The following NKAIN3 variants were observed in gnomAD, a reference collection of about 807,000 sequenced individuals.
NKAIN3 encodes sodium/potassium transporting ATPase interacting 3.
A neutral mutation model predicts 30.2 loss-of-function variants in NKAIN3; 25 were observed. That is an observed-to-expected ratio of 0.83 (90% CI 0.60 to 1.16). The LOEUF (loss-of-function observed/expected upper bound fraction) is 1.16, where lower values mean the gene tolerates loss of function less well. Among genes scored for constraint, NKAIN3 ranks in the 50% most tolerant of loss-of-function variants. The probability of loss-of-function intolerance (pLI) is 0.00; values close to 1 mark genes in which losing one functional copy is unlikely to be tolerated. For missense variants in NKAIN3, 225 were observed against 254.1 expected (o/e 0.89, Z 0.78); for synonymous variants, 91 against 89.6 (o/e 1.02, Z -0.09).
intron 4 of NKAIN3, among the ~76,000 whole-genome samples, chr8:62,885,957 G>A (rs565332769): frequency 6.0e-4 from 91 of 152,090 alleles, no homozygotes; most frequent in African/African-American, 2.1e-3. Flanking sequence ...TCTTTTAATT[G>A]GTATACTTAG....
At chr8:62,443,590 C>G (rs67725665) in intron 1 of NKAIN3, among the ~76,000 whole-genome samples, 39,530 of 151,604 alleles carry the variant, frequency 0.26, 5,252 homozygotes, top group Middle Eastern at 0.39. Flanking sequence ...ACCATCTTGG[C>G]CAGGCTAGTC....
At position 62,693,934 on chromosome 8, in the gene NKAIN3, A is replaced by C. The variant is rs143356296; in HGVS notation, c.274-52998A>C. On this transcript the variant is annotated intron_variant, in intron 3 of 6. Coordinates refer to ENST00000623646, the MANE Select transcript of NKAIN3 (RefSeq NM_001304533.3). ...AACAAAAAAGAAAAAAGTTGCATTA[A>C]TCATAAAAGATTGAATTCATATTTT... is the stretch of plus-strand genomic sequence containing the variant. 7.0e-4 allele frequency among the ~76,000 whole-genome samples: 106 copies of C among 152,338 alleles called. 1 individual carries two copies. In the Middle Eastern group the frequency reaches 0.01, roughly 15 times the overall value.
chr8:62,278,491 T>G (rs921422941), intron 1 of NKAIN3, among the ~76,000 whole-genome samples: 4 of 152,052 alleles, frequency 2.6e-5, no homozygotes, highest in African/African-American at 9.7e-5. Context: ...AACTCGTCAT[T>G]TACATTAGGT....
At chr8:62,960,882 A>G (rs1259292106) in intron 6 of NKAIN3, among the ~76,000 whole-genome samples, 1 of 152,184 alleles carries the variant, frequency 6.6e-6, no homozygotes, top group Non-Finnish European at 1.5e-5. Context: ...ACGTCTGCAA[A>G]CAGAGAGAGA....
At chr8:62,963,900 A>C (rs1178435701) in intron 6 of NKAIN3, among the ~76,000 whole-genome samples, 1 of 152,186 alleles carries the variant, frequency 6.6e-6, no homozygotes, top group Non-Finnish European at 1.5e-5. Context: ...GGCAACCAAA[A>C]AGTAAAACTT....
Position 62,624,383 on chromosome 8 carries a change from A to AT in NKAIN3, c.273+34599dup, listed in dbSNP as rs948460095. ...GAAAATTTCAGAGTTCTAGGTTGGT[A>AT]TTTTTTTTTTCTCTCTCAACACTTT... On this transcript the variant is annotated intron_variant, in intron 3 of 6. Transcript: ENST00000623646. Among the ~76,000 whole-genome samples, 89 of 148,956 alleles carry AT rather than the reference A, an allele frequency of 6.0e-4. No individual in the cohort carries two copies. In the East Asian group the frequency reaches 0.012, roughly 21 times the overall value.
At chr8:62,392,894 TA>T (rs1230042349) in intron 1 of NKAIN3, among the ~76,000 whole-genome samples, 1 of 152,068 alleles carries the variant, frequency 6.6e-6, no homozygotes, top group Non-Finnish European at 1.5e-5. Flanking sequence ...AAATTAATTT[TA>T]TATTCAGCAT....
chr8:62,622,123 A>T (rs1811635095), intron 3 of NKAIN3, among the ~76,000 whole-genome samples: 1 of 152,006 alleles, frequency 6.6e-6, no homozygotes, highest in Admixed American at 6.6e-5. Flanking sequence ...GTATCAGTAG[A>T]TCACTCCTTT....
At chr8:62,710,656 A>G (rs1353633779) in intron 3 of NKAIN3, among the ~76,000 whole-genome samples, 2 of 152,094 alleles carry the variant, frequency 1.3e-5, no homozygotes, top group African/African-American at 4.8e-5. Flanking sequence ...ATGGTTGGTG[A>G]GTTCTTATCC....
intron 5 of NKAIN3, among the ~76,000 whole-genome samples, chr8:62,925,059 A>G (rs1213677647): frequency 6.6e-6 from 1 of 152,122 alleles, no homozygotes; most frequent in Admixed American, 6.5e-5. Flanking sequence ...TCAAATAACT[A>G]AAAACTCCTA....
chr8:62,359,921 C>T (rs193005394), intron 1 of NKAIN3, among the ~76,000 whole-genome samples: 1 of 152,292 alleles, frequency 6.6e-6, no homozygotes, highest in East Asian at 1.9e-4. Context: ...TTTCAAGGCT[C>T]TTATTACATA....
intron 1 of NKAIN3, among the ~76,000 whole-genome samples, chr8:62,426,861 A>G (rs902679274): frequency 2.6e-5 from 4 of 151,974 alleles, no homozygotes; most frequent in African/African-American, 9.7e-5. Context: ...GCGCCTGGCT[A>G]GCAGGAAGAA....
chr8:62,599,725 G>A (rs987726989), intron 3 of NKAIN3, among the ~76,000 whole-genome samples: 7 of 152,006 alleles, frequency 4.6e-5, no homozygotes, highest in African/African-American at 1.7e-4. Context: ...TAACTTCACA[G>A]CTGTAACAGT....
intron 3 of NKAIN3, among the ~76,000 whole-genome samples, chr8:62,704,424 G>T (rs1814450006): frequency 6.6e-6 from 1 of 152,164 alleles, no homozygotes. Context: ...TTCATCATTA[G>T]GGTGTCTGTT....
rs534030577 is a variant in NKAIN3, at chr8:62,405,895, T to C, written c.54+156768T>C. Among the ~76,000 whole-genome samples, 7 of 152,310 alleles carry C rather than the reference T, an allele frequency of 4.6e-5. No individual in the cohort carries two copies. The South Asian group carries it at 1.4e-3, about 32-fold the overall frequency. On this transcript the variant is annotated intron_variant, in intron 1 of 6. Coordinates refer to ENST00000623646, the MANE Select transcript of NKAIN3 (RefSeq NM_001304533.3). ...CATTTTAGAAGCTCACTGATTTCTC[T>C]TTTCTTTTAATTAACAAACTATTAA... is the stretch of plus-strand genomic sequence containing the variant.
chr8:62,835,032 AC>A (rs1489874874), intron 4 of NKAIN3, among the ~76,000 whole-genome samples: 1 of 152,132 alleles, frequency 6.6e-6, no homozygotes, highest in East Asian at 1.9e-4. Context: ...CACAAGTGCA[AC>A]CATCTGACTT....
chr8:62,553,321 T>C (rs1809275190), intron 1 of NKAIN3, among the ~76,000 whole-genome samples: 1 of 152,192 alleles, frequency 6.6e-6, no homozygotes, highest in Admixed American at 6.5e-5. Context: ...GTTTGTCTTT[T>C]CTTTCTCTGA....
intron 4 of NKAIN3, among the ~76,000 whole-genome samples, chr8:62,799,278 T>C (rs1402025020): frequency 6.6e-6 from 1 of 151,980 alleles, no homozygotes; most frequent in Non-Finnish European, 1.5e-5. Context: ...TGTGAGAAAA[T>C]CTTCATAATC....
intron 3 of NKAIN3, among the ~76,000 whole-genome samples, chr8:62,655,447 G>A (rs565625692): frequency 2.8e-4 from 42 of 152,228 alleles, no homozygotes; most frequent in Middle Eastern, 3.4e-3. Context: ...AGGCCATTTA[G>A]GAGGCTGTGG....
Sources: allele counts gnomAD v4.1 joint callset (sites outside exome capture counted in the v4.1 genomes callset), GRCh38; gene constraint gnomAD v4.1.1; transcripts MANE v1.5; gene names NCBI Gene and HGNC (gene_info 2026-07-23, HGNC 2026-07-21).